LCA5L: variants seen among roughly 807,000 people sequenced by gnomAD.
The protein encoded by LCA5L is lebercilin-like protein.
In LCA5L, 35 loss-of-function variants were observed where a neutral mutation model predicts 45.4. The ratio of observed to expected loss-of-function variants is 0.77; its 90% CI spans 0.59 to 1.02. The LOEUF is 1.02. Ranked by LOEUF, LCA5L falls within the 50% of genes least tolerant of loss-of-function variation. The pLI, the probability that LCA5L is intolerant of heterozygous loss-of-function variation, is 0.00. For missense variants in LCA5L, 668 were observed against 761.6 expected, an observed-to-expected ratio of 0.88 and a Z score of 1.45; for synonymous variants, 233 against 264.7, an observed-to-expected ratio of 0.88 and a Z score of 1.16.
At position 39,428,287 on chromosome 21, in the gene LCA5L, T is replaced by C; in HGVS notation, c.207A>G (p.Glu69=). Residue 69 remains glutamate, a synonymous_variant, in exon 5 of 11, where the codon GAA becomes GAG. Transcript: ENST00000288350. ...TTTCTGAACAATCACAGAGAAAGTC[T>C]TCTGAATAATCATACTGAGAACTTA... ...GSLSSQYDYS[E]DFLCDCSEKA... 6.2e-7 allele frequency: 1 copy of C among 1,611,342 alleles called. No individual in the cohort carries two copies.
intron 7 of LCA5L, among the ~76,000 whole-genome samples, chr21:39,415,262 T>C (rs2040927988): frequency 6.6e-6 from 1 of 152,212 alleles, no homozygotes; most frequent in Admixed American, 6.5e-5. Flanking sequence ...ACAAAAAGCA[T>C]GTGTTGAGGC....
chr21:39,435,122 T>C (rs2076167296), intron 3 of LCA5L, among the ~76,000 whole-genome samples: 1 of 152,222 alleles, frequency 6.6e-6, no homozygotes, highest in South Asian at 2.1e-4. Flanking sequence ...TTCTTTGCTG[T>C]TATGACTCGG....
intron 7 of LCA5L, among the ~76,000 whole-genome samples, chr21:39,416,937 G>A (rs548006080): frequency 2.4e-4 from 36 of 152,280 alleles, no homozygotes; most frequent in African/African-American, 8.2e-4. Flanking sequence ...TACAGTCAGC[G>A]TTCCCTGTCT....
intron 7 of LCA5L, among the ~76,000 whole-genome samples, chr21:39,419,738 A>G (rs924179112): frequency 6.6e-6 from 1 of 152,084 alleles, no homozygotes. Flanking sequence ...CTTAAAAATA[A>G]AAAAGTTAAA....
chr21:39,410,822 T>TAATG (rs2039968835), intron 8 of LCA5L: 1 of 470,966 alleles, frequency 2.1e-6, no homozygotes, highest in Admixed American at 2.4e-5. Flanking sequence ...CCTCGGTTGA[T>TAATG]TCATTGTCTC....
intron 7 of LCA5L, among the ~76,000 whole-genome samples, chr21:39,414,672 C>G (rs183399908): frequency 2.7e-5 from 4 of 150,936 alleles, no homozygotes; most frequent in African/African-American, 9.7e-5. Context: ...ACTGCCAAGG[C>G]TAGGTCATAA....
At chr21:39,414,774 G>GTA (rs1569077174) in intron 7 of LCA5L, among the ~76,000 whole-genome samples, 1 of 151,244 alleles carries the variant, frequency 6.6e-6, no homozygotes, top group East Asian at 1.9e-4. Context: ...GTGTGTGTGT[G>GTA]TGTGTCTGTG....
intron 2 of LCA5L, chr21:39,439,680 A>G (rs900956003): frequency 2.0e-5 from 3 of 152,200 alleles, no homozygotes; most frequent in African/African-American, 7.2e-5. Flanking sequence ...TGAGCTGGAG[A>G]AAACAGCCGA....
chr21:39,433,478 T>C (rs1329386531), intron 3 of LCA5L, among the ~76,000 whole-genome samples: 1 of 151,518 alleles, frequency 6.6e-6, no homozygotes, highest in Non-Finnish European at 1.5e-5. Flanking sequence ...TTGCATGACC[T>C]GAGGTCACAA....
At chr21:39,417,251 G>A (rs1004668695) in intron 7 of LCA5L, among the ~76,000 whole-genome samples, 4 of 152,086 alleles carry the variant, frequency 2.6e-5, no homozygotes, top group African/African-American at 9.7e-5. Flanking sequence ...TGTTGGCCAG[G>A]CTGGTCTTGA....
chr21:39,406,701 G>T, intron 10 of LCA5L, 89 bp from the exon 11 acceptor site: 2 of 950,588 alleles, frequency 2.1e-6, no homozygotes, highest in Non-Finnish European at 3.2e-6. Flanking sequence ...TACGTGCACC[G>T]CCTCACAAGC....
intron 7 of LCA5L, among the ~76,000 whole-genome samples, chr21:39,418,143 C>G (rs567262916): frequency 4.6e-5 from 7 of 152,284 alleles, no homozygotes; most frequent in Non-Finnish European, 8.8e-5. Context: ...GAAAGACCTG[C>G]CTCTATGATC....
intron 3 of LCA5L, among the ~76,000 whole-genome samples, chr21:39,432,022 A>G (rs975546046): frequency 9.2e-5 from 14 of 152,368 alleles, no homozygotes; most frequent in African/African-American, 2.2e-4. Context: ...ATCAAAAATC[A>G]TAATTTCAAT....
Position 39,405,734 on chromosome 21 carries a change from A to G in LCA5L, c.*148T>C. The G allele has an allele frequency of 1.9e-6, 1 of 537,998 alleles. No individual in the cohort carries two copies. 33.3% of individuals were successfully genotyped at this position (537,998 alleles called of 1,614,324 possible). A position where few individuals can be genotyped will look rare whatever the true frequency, so the allele number is the denominator to read the frequency against. On this transcript the variant is annotated 3_prime_UTR_variant, in exon 11 of 11. Transcript: ENST00000288350. ...AAATAGATTTTTTACTAGATTAGCA[A>G]TCAAACAAAAATTTAATTATCGAAA...
intron 10 of LCA5L, among the ~76,000 whole-genome samples, chr21:39,407,602 A>G (rs948197316): frequency 3.9e-5 from 6 of 152,204 alleles, no homozygotes; most frequent in Non-Finnish European, 7.4e-5. Flanking sequence ...GTGGAATTCC[A>G]GGCAGTTATT....
Position 39,431,399 on chromosome 21 carries a change from A to G in LCA5L, c.-91-2188T>C, listed in dbSNP as rs916127528. ...TATCCACAATCTTTCCTGCTCAATAATTTGCCTAGCCTAACGTTAGGGATC... is the reference window on the plus strand; with the variant it reads ...TATCCACAATCTTTCCTGCTCAATAGTTTGCCTAGCCTAACGTTAGGGATC... On this transcript the variant is annotated intron_variant, in intron 3 of 10. Coordinates refer to ENST00000288350, the MANE Select transcript of LCA5L (RefSeq NM_152505.4). Among the ~76,000 whole-genome samples the G allele has an allele frequency of 5.3e-5, 8 of 151,952 alleles. No individual in the cohort carries two copies. In the East Asian group the frequency reaches 1.5e-3, roughly 29 times the overall value.
Position 39,410,807 on chromosome 21 carries a change from C to T in LCA5L, c.1061-440G>A, listed in dbSNP as rs555993433. The T allele has an allele frequency of 2.9e-4, 135 of 470,330 alleles. 1 individual carries two copies. The highest frequency in any genetic ancestry group is 2.1e-3 in the South Asian group (135 of 64,366). The allele number at this position is 470,330 out of a possible 1,614,324, so 29.1% of individuals were successfully genotyped here. On this transcript the variant is annotated intron_variant, in intron 8 of 10. Transcript: ENST00000288350. ...AGTGAAGGAAATTATATCATTTAAA[C>T]AACCCCTCGGTTGATTCATTGTCTC...
rs1005097432 is a variant in LCA5L, at chr21:39,445,769, G to A, written c.-357C>T. On this transcript the variant is annotated 5_prime_UTR_variant, in exon 1 of 11. Coordinates refer to ENST00000288350, the MANE Select transcript of LCA5L (RefSeq NM_152505.4). Reference sequence around the variant, plus strand: ...CGACTGCGCCAACGCCGCAGCGCCGGCGCGTCCCCATGGAAACCCGCGCGC... The same window carrying A: ...CGACTGCGCCAACGCCGCAGCGCCGACGCGTCCCCATGGAAACCCGCGCGC... 2 of 152,324 alleles carry A rather than the reference G, an allele frequency of 1.3e-5. No individual in the cohort carries two copies. Among genetic ancestry groups the A allele is most frequent in the African/African-American group, 4.8e-5 (2 of 41,582 alleles). 9.4% of individuals were successfully genotyped at this position (152,324 alleles called of 1,614,324 possible). A position where few individuals can be genotyped will look rare whatever the true frequency, so the allele number is the denominator to read the frequency against.
At chr21:39,416,627 A>G (rs1478824497) in intron 7 of LCA5L, among the ~76,000 whole-genome samples, 5 of 151,830 alleles carry the variant, frequency 3.3e-5, no homozygotes, top group Non-Finnish European at 4.4e-5. Flanking sequence ...AATCAGGACT[A>G]TAGGATTTTT....
Sources: gnomAD v4.1 joint callset for allele counts (sites outside exome capture counted in the v4.1 genomes callset) on GRCh38, gnomAD v4.1.1 for gene constraint, MANE v1.5 for transcripts, NCBI Gene and HGNC (gene_info 2026-07-23, HGNC 2026-07-21) for gene names.